DNM1L: variants seen among roughly 807,000 people sequenced by gnomAD.
DNM1L encodes the protein dynamin-1-like protein.
A neutral mutation model predicts 92.8 loss-of-function variants in DNM1L; 33 were observed. The ratio of observed to expected loss-of-function variants is 0.36; its 90% confidence interval spans 0.27 to 0.48. The LOEUF (loss-of-function observed/expected upper bound fraction) is 0.48, where lower values mean the gene tolerates loss of function less well. Among genes scored for constraint, DNM1L ranks in the 20% least tolerant of loss-of-function variants. DNM1L has a pLI of 0.99. For synonymous variants in DNM1L, 284 were observed against 305.0 expected (o/e 0.93, Z 0.72); for missense variants, 485 against 888.8 (o/e 0.55, Z 5.78).
chr12:32,711,025 G>T lies in DNM1L; in HGVS notation c.456+10G>T. The T allele has an allele frequency of 6.2e-7, 1 of 1,612,184 alleles. No individual in the cohort carries two copies. On this transcript the variant is annotated intron_variant, in intron 5 of 19. Coordinates refer to ENST00000549701, the MANE Select transcript of DNM1L (RefSeq NM_012062.5). ...GCCAGGAATGACCAAGGTAAGGAAG[G>T]AATAGTTGTAGATTTGGTCAGGTTG...
At chr12:32,691,023 G>T (rs753386912) in intron 1 of DNM1L, among the ~76,000 whole-genome samples, 1 of 152,194 alleles carries the variant, frequency 6.6e-6, no homozygotes, top group Non-Finnish European at 1.5e-5. Flanking sequence ...ATAACAAAAT[G>T]TCACAGACTG....
rs777069376 is a variant in DNM1L, at chr12:32,745,006, A to G, written c.*1596A>G. ...AGGACTATTGGCAGGGAAAATATGA[A>G]TATGTTAACTTTAGCTTATGGCATC... On this transcript the variant is annotated 3_prime_UTR_variant, in exon 20 of 20. Coordinates refer to ENST00000549701, the MANE Select transcript of DNM1L (RefSeq NM_012062.5). 5.8e-6 allele frequency: 3 copies of G among 517,084 alleles called. No individual in the cohort carries two copies. Among genetic ancestry groups the G allele is most frequent in the Admixed American group, 2.0e-5 (1 of 51,088 alleles). 32.0% of individuals were successfully genotyped at this position (517,084 alleles called of 1,614,324 possible).
At chr12:32,723,122 A>G (rs1953881343) in intron 9 of DNM1L, among the ~76,000 whole-genome samples, 2 of 151,926 alleles carry the variant, frequency 1.3e-5, no homozygotes, top group Non-Finnish European at 2.9e-5. Context: ...CCTGGGCAAC[A>G]TATTGAAATT....
At chr12:32,702,577 T>G (rs1347932915) in intron 2 of DNM1L, among the ~76,000 whole-genome samples, 2 of 152,220 alleles carry the variant, frequency 1.3e-5, no homozygotes, top group Non-Finnish European at 2.9e-5. Flanking sequence ...ATTCTACTTC[T>G]TATTCTGATT....
At chr12:32,741,782 C>A (rs998976744) in intron 18 of DNM1L, among the ~76,000 whole-genome samples, 2 of 152,168 alleles carry the variant, frequency 1.3e-5, no homozygotes, top group Non-Finnish European at 1.5e-5. Flanking sequence ...CAGTAACATG[C>A]TGTACATGTT....
chr12:32,717,469 T>C (rs1452034606), intron 6 of DNM1L, among the ~76,000 whole-genome samples: 1 of 105,624 alleles, frequency 9.5e-6, no homozygotes, highest in Non-Finnish European at 1.7e-5. Flanking sequence ...TTTAAATATA[T>C]AGTATATATA....
chr12:32,701,395 T>C lies in DNM1L; in HGVS notation c.103-20T>C. The C allele has an allele frequency of 6.2e-7, 1 of 1,611,576 alleles. No individual in the cohort carries two copies. The highest frequency in any genetic ancestry group is 1.7e-4 in the Middle Eastern group (1 of 6,050). ...TGTGTTAAGAAACTCATTTTGCTCT[T>C]GTATATATTCTGTTTTCAGAGCAGC... is the stretch of plus-strand genomic sequence containing the variant. On this transcript the variant is annotated intron_variant, in intron 1 of 19. Coordinates refer to ENST00000549701, the MANE Select transcript of DNM1L (RefSeq NM_012062.5).
At chr12:32,726,740 T>A in intron 9 of DNM1L, 1 of 620,644 alleles carries the variant, frequency 1.6e-6, no homozygotes, top group Non-Finnish European at 2.9e-6. Context: ...GCTTAATGGT[T>A]TTCAAAATGA....
At chr12:32,680,127 T>A in intron 1 of DNM1L, 1 of 620,768 alleles carries the variant, frequency 1.6e-6, no homozygotes. Flanking sequence ...TTTTTCTGCG[T>A]AGGCTGTGCT....
chr12:32,732,651 C>T (rs1166371691), intron 12 of DNM1L: 1 of 447,918 alleles, frequency 2.2e-6, no homozygotes, highest in Non-Finnish European at 4.5e-6. Flanking sequence ...CAAGGATAGC[C>T]CTCAGATTCT....
intron 14 of DNM1L, chr12:32,737,545 T>C: frequency 5.1e-6 from 2 of 393,718 alleles, no homozygotes; most frequent in South Asian, 5.1e-5. Context: ...TAGTAATAAT[T>C]AAAATAGTTG....
intron 1 of DNM1L, among the ~76,000 whole-genome samples, chr12:32,700,351 CT>C: frequency 6.6e-6 from 1 of 152,252 alleles, no homozygotes; most frequent in African/African-American, 2.4e-5. Flanking sequence ...AACTCCTGAC[CT>C]CAGATGATCT....
intron 5 of DNM1L, 73 bp from the exon 6 acceptor site, chr12:32,713,136 T>C: frequency 6.8e-7 from 1 of 1,462,348 alleles, no homozygotes; most frequent in Non-Finnish European, 9.5e-7. Flanking sequence ...CTATATTCTA[T>C]CGATTAAATG....
intron 2 of DNM1L, chr12:32,706,657 T>G: frequency 2.2e-6 from 1 of 455,098 alleles, no homozygotes; most frequent in Non-Finnish European, 4.4e-6. Flanking sequence ...TTGTTTTTCC[T>G]TTTCTTCCAT....
intron 13 of DNM1L, among the ~76,000 whole-genome samples, 171 bp downstream of exon 13, chr12:32,733,978 A>G (rs1003148522): frequency 7.2e-5 from 11 of 152,214 alleles, no homozygotes; most frequent in African/African-American, 2.7e-4. Context: ...AATTCTCAAA[A>G]CCACCTGCAG....
chr12:32,722,936 T>C (rs879442454), intron 9 of DNM1L, among the ~76,000 whole-genome samples: 2 of 151,724 alleles, frequency 1.3e-5, no homozygotes, highest in African/African-American at 4.8e-5. Flanking sequence ...ATAATTTAGC[T>C]TTTAAAGTGT....
At chr12:32,742,340 G>A (rs183622603) in intron 18 of DNM1L, among the ~76,000 whole-genome samples, 3 of 152,320 alleles carry the variant, frequency 2.0e-5, no homozygotes, top group Admixed American at 2.0e-4. Context: ...CTGGCCTCAA[G>A]CAGTCCACCC....
intron 1 of DNM1L, among the ~76,000 whole-genome samples, chr12:32,698,672 ATAGAG>A (rs936317421): frequency 6.6e-6 from 1 of 151,602 alleles, no homozygotes; most frequent in African/African-American, 2.4e-5. Context: ...TAAGAAAAAA[ATAGAG>A]TACAGAATAT....
chr12:32,720,638 T>C, intron 7 of DNM1L, 26 bp from the exon 8 acceptor site: 1 of 1,613,520 alleles, frequency 6.2e-7, no homozygotes, highest in Non-Finnish European at 8.5e-7. Flanking sequence ...TTAAGCTGAA[T>C]AGTTTCGTTA....
Sources: allele counts gnomAD v4.1 joint callset (sites outside exome capture counted in the v4.1 genomes callset), GRCh38; gene constraint gnomAD v4.1.1; transcripts MANE v1.5; gene names NCBI Gene and HGNC (gene_info 2026-07-23, HGNC 2026-07-21).